The following TCAIM variants were observed in gnomAD, a reference collection of about 807,000 sequenced individuals.
TCAIM encodes T-cell activation inhibitor, mitochondrial.
In TCAIM, 36 loss-of-function variants were observed where a neutral mutation model predicts 58.6. That is an observed-to-expected ratio of 0.61 (90% CI 0.47 to 0.81). The LOEUF is 0.81. Ranked by LOEUF, TCAIM falls within the 30% of genes least tolerant of loss-of-function variation. TCAIM has a pLI of 0.00. For synonymous variants in TCAIM, 172 were observed against 193.6 expected (o/e 0.89, Z 0.93); for missense variants, 466 against 579.6 (o/e 0.80, Z 2.01).
intron 8 of TCAIM, among the ~76,000 whole-genome samples, chr3:44,397,902 G>A (rs780752280): frequency 4.6e-5 from 7 of 151,594 alleles, no homozygotes; most frequent in Admixed American, 6.6e-5. Flanking sequence ...TTTGCAAACC[G>A]TATATCTGAC....
intron 1 of TCAIM, among the ~76,000 whole-genome samples, chr3:44,344,708 A>G (rs1343729839): frequency 6.6e-6 from 1 of 152,140 alleles, no homozygotes; most frequent in Non-Finnish European, 1.5e-5. Context: ...GGAGAGAGCA[A>G]TGAAGCTTTT....
intron 1 of TCAIM, chr3:44,340,561 A>G (rs934392161): frequency 6.6e-6 from 1 of 152,250 alleles, no homozygotes; most frequent in Non-Finnish European, 1.5e-5. Flanking sequence ...GATTTTTAGC[A>G]TAAATTGGGT....
At position 44,400,493 on chromosome 3, in the gene TCAIM, T is replaced by C. The variant is rs772821137; in HGVS notation, c.1024T>C (p.Tyr342His). Residue 342 changes from tyrosine to histidine, a missense_variant, in exon 9 of 11, where the codon TAC becomes CAC. Coordinates refer to ENST00000342649, the MANE Select transcript of TCAIM (RefSeq NM_173826.4). ...LQPVLTLEEY[Y>H]SLLDVFYNRL... ...GCCAGTATTGACACTTGAAGAATATTACTCTCTTCTTGATGTGTTTTATAA... is the reference window on the plus strand; with the variant it reads ...GCCAGTATTGACACTTGAAGAATATCACTCTCTTCTTGATGTGTTTTATAA... 1.1e-4 allele frequency: 178 copies of C among 1,613,484 alleles called. 2 individuals carry two copies. The Admixed American group carries it at 2.9e-3, about 27-fold the overall frequency.
intron 4 of TCAIM, among the ~76,000 whole-genome samples, chr3:44,363,708 T>C (rs1701325657): frequency 6.6e-6 from 1 of 152,170 alleles, no homozygotes; most frequent in African/African-American, 2.4e-5. Context: ...CTAAGACAAA[T>C]AGCTGTAGCC....
At chr3:44,372,893 C>G (rs1000899415) in intron 5 of TCAIM, among the ~76,000 whole-genome samples, 4 of 152,002 alleles carry the variant, frequency 2.6e-5, no homozygotes, top group African/African-American at 9.7e-5. Context: ...TGCACCCGGC[C>G]CAAAATTTTC....
intron 10 of TCAIM, among the ~76,000 whole-genome samples, chr3:44,404,923 G>A (rs1164896222): frequency 2.0e-5 from 3 of 151,890 alleles, no homozygotes; most frequent in Non-Finnish European, 4.4e-5. Context: ...ATGCTCACAG[G>A]GTCCTCACAG....
In TCAIM at chr3:44,341,535, A is replaced by G. The variant is rs1410174906; in HGVS notation, c.-45+2701A>G. The G allele has an allele frequency of 5.3e-5, 8 of 152,122 alleles. No homozygotes were observed. The East Asian group carries it at 1.4e-3, about 26-fold the overall frequency. 9.4% of individuals were successfully genotyped at this position (152,122 alleles called of 1,614,324 possible). The stretch of plus-strand genomic sequence containing the variant: ...TGTAGCCTTGGCAAAATTGCCTACT[A>G]CCTTGTGTTTAAGACCTTCAGACAT... On this transcript the variant is annotated intron_variant, in intron 1 of 10. Transcript: ENST00000342649.
At chr3:44,382,986 A>G (rs1044955815) in intron 5 of TCAIM, among the ~76,000 whole-genome samples, 4 of 152,172 alleles carry the variant, frequency 2.6e-5, no homozygotes, top group African/African-American at 9.7e-5. Context: ...ATGAAAAGAT[A>G]CTCAACATCA....
At chr3:44,398,793 T>C (rs1030021692) in intron 8 of TCAIM, among the ~76,000 whole-genome samples, 2 of 152,186 alleles carry the variant, frequency 1.3e-5, no homozygotes, top group African/African-American at 4.8e-5. Flanking sequence ...AGTGTGTGAA[T>C]AGCTAAACAA....
intron 3 of TCAIM, chr3:44,358,707 T>C: frequency 1.0e-6 from 1 of 987,084 alleles, no homozygotes; most frequent in Non-Finnish European, 1.2e-6. Flanking sequence ...ACCAATCCCC[T>C]ATGGATACCA....
chr3:44,407,712 A>T lies in TCAIM; in HGVS notation c.*30A>T, dbSNP rs2125660473. Reference sequence around the variant, plus strand: ...GAAATCTGTTTTATTTTTTTAAGAGATAAGAAAGGAACTTAAATTAAAAAT... The same window carrying T: ...GAAATCTGTTTTATTTTTTTAAGAGTTAAGAAAGGAACTTAAATTAAAAAT... On this transcript the variant is annotated 3_prime_UTR_variant, in exon 11 of 11. Coordinates refer to ENST00000342649, the MANE Select transcript of TCAIM (RefSeq NM_173826.4). The T allele has an allele frequency of 5.8e-6, 9 of 1,539,832 alleles. No individual in the cohort carries two copies. The highest frequency in any genetic ancestry group is 7.8e-6 in the Non-Finnish European group (9 of 1,146,550).
At chr3:44,376,201 T>C (rs1701562926) in intron 5 of TCAIM, among the ~76,000 whole-genome samples, 1 of 152,204 alleles carries the variant, frequency 6.6e-6, no homozygotes, top group Non-Finnish European at 1.5e-5. Flanking sequence ...TGATTTCTTA[T>C]TCAAGTGATG....
intron 8 of TCAIM, 35 bp from the exon 9 acceptor site, chr3:44,400,320 A>T: frequency 6.7e-7 from 1 of 1,493,538 alleles, no homozygotes; most frequent in South Asian, 1.2e-5. Context: ...AGTAACATAA[A>T]ACTAATTATT....
chr3:44,367,861 G>A (rs1701406214), intron 5 of TCAIM, 153 bp downstream of exon 5: 1 of 701,450 alleles, frequency 1.4e-6, no homozygotes, highest in African/African-American at 1.8e-5. Context: ...AATACTATCA[G>A]TCTAGTTAAT....
At chr3:44,403,749 TC>T (rs1702057679) in intron 10 of TCAIM, among the ~76,000 whole-genome samples, 1 of 152,148 alleles carries the variant, frequency 6.6e-6, no homozygotes, top group South Asian at 2.1e-4. Context: ...TTGATTCCTC[TC>T]CCCTGTCTCA....
intron 5 of TCAIM, among the ~76,000 whole-genome samples, chr3:44,379,482 A>G (rs114070955): frequency 0.012 from 1,761 of 152,292 alleles, 39 homozygotes; most frequent in African/African-American, 0.04. Flanking sequence ...ATGCCCATCA[A>G]TGGACTGGGA....
chr3:44,388,569 A>AT (rs541878851), intron 5 of TCAIM, among the ~76,000 whole-genome samples: 20 of 152,092 alleles, frequency 1.3e-4, no homozygotes, highest in Admixed American at 2.0e-4. Context: ...GGAAGTTATG[A>AT]TTTTTTTTCC....
chr3:44,396,309 G>T, intron 6 of TCAIM, 91 bp from the exon 7 acceptor site: 1 of 1,009,216 alleles, frequency 9.9e-7, no homozygotes, highest in Non-Finnish European at 1.5e-6. Flanking sequence ...GAGACTCATT[G>T]GCTTTCCAAG....
intron 1 of TCAIM, among the ~76,000 whole-genome samples, chr3:44,342,169 A>G (rs1483486935): frequency 6.6e-6 from 1 of 152,208 alleles, no homozygotes; most frequent in Non-Finnish European, 1.5e-5. Flanking sequence ...TCATTTACTA[A>G]ATTGTACTCC....
Sources: gnomAD v4.1 joint callset for allele counts (sites outside exome capture counted in the v4.1 genomes callset) on GRCh38, gnomAD v4.1.1 for gene constraint, MANE v1.5 for transcripts, NCBI Gene and HGNC (gene_info 2026-07-23, HGNC 2026-07-21) for gene names.